FARS2: variants seen among roughly 807,000 people sequenced by gnomAD.
FARS2 encodes the protein phenylalanyl-tRNA synthetase 2, mitochondrial.
A neutral mutation model predicts 46.4 loss-of-function variants in FARS2; 40 were observed. The observed-to-expected ratio is 0.86, with a 90% CI of 0.67 to 1.12. FARS2 has a LOEUF of 1.12. Among genes scored for constraint, FARS2 ranks in the 50% most tolerant of loss-of-function variants. FARS2 has a pLI of 0.00. For synonymous variants in FARS2, 234 were observed against 214.9 expected (o/e 1.09, Z -0.78); for missense variants, 513 against 567.9 (o/e 0.90, Z 0.98).
chr6:5,325,170 C>T (rs1018089438), intron 1 of FARS2, among the ~76,000 whole-genome samples: 1 of 152,212 alleles, frequency 6.6e-6, no homozygotes, highest in African/African-American at 2.4e-5. Context: ...GGATCCCTCA[C>T]CCCCTTGTAA....
At chr6:5,714,326 C>T (rs571338219) in intron 6 of FARS2, among the ~76,000 whole-genome samples, 1 of 152,244 alleles carries the variant, frequency 6.6e-6, no homozygotes, top group South Asian at 2.1e-4. Flanking sequence ...CCAGGTTGAG[C>T]CAGTCTTCTA....
chr6:5,486,619 A>G (rs1012652128), intron 4 of FARS2, among the ~76,000 whole-genome samples: 1 of 152,216 alleles, frequency 6.6e-6, no homozygotes, highest in Non-Finnish European at 1.5e-5. Flanking sequence ...TTTCAATACT[A>G]GTATATTTTG....
intron 6 of FARS2, among the ~76,000 whole-genome samples, chr6:5,745,138 AG>A (rs1346042400): frequency 6.6e-6 from 1 of 152,288 alleles, no homozygotes; most frequent in Non-Finnish European, 1.5e-5. Flanking sequence ...GGGCGATAGC[AG>A]CAATGAAGCT....
At chr6:5,371,311 G>T (rs775386844) in intron 2 of FARS2, 14 of 229,812 alleles carry the variant, frequency 6.1e-5, no homozygotes, top group Non-Finnish European at 5.7e-5. Flanking sequence ...CTATGAATAG[G>T]ATTTTTAGAG....
intron 5 of FARS2, among the ~76,000 whole-genome samples, chr6:5,546,683 G>C (rs974221260): frequency 1.3e-5 from 2 of 150,632 alleles, no homozygotes; most frequent in Admixed American, 6.6e-5. Context: ...TTCTTTTCCT[G>C]TGTGCTTTAT....
chr6:5,307,517 C>T (rs554113793), intron 1 of FARS2, among the ~76,000 whole-genome samples: 7 of 152,110 alleles, frequency 4.6e-5, no homozygotes, highest in Non-Finnish European at 8.8e-5. Flanking sequence ...GCACAATTTC[C>T]GTCGTATCAT....
chr6:5,325,005 A>T (rs1262134716), intron 1 of FARS2, among the ~76,000 whole-genome samples: 1 of 152,180 alleles, frequency 6.6e-6, no homozygotes, highest in East Asian at 1.9e-4. Flanking sequence ...TATGTACCTC[A>T]TGGTGGCAGA....
At chr6:5,681,730 G>A (rs1405233533) in intron 6 of FARS2, among the ~76,000 whole-genome samples, 6 of 152,156 alleles carry the variant, frequency 3.9e-5, no homozygotes, top group South Asian at 2.1e-4. Flanking sequence ...AATAAAACAG[G>A]CTCTAGCAAG....
At chr6:5,419,243 T>A (rs1054941470) in intron 3 of FARS2, among the ~76,000 whole-genome samples, 3 of 152,224 alleles carry the variant, frequency 2.0e-5, no homozygotes, top group Non-Finnish European at 4.4e-5. Flanking sequence ...CCAGAATTTT[T>A]ATGAATTTTA....
intron 2 of FARS2, among the ~76,000 whole-genome samples, chr6:5,372,765 T>C (rs557298189): frequency 1.3e-5 from 2 of 152,246 alleles, no homozygotes; most frequent in South Asian, 2.1e-4. Context: ...ACCTAAGCCG[T>C]AGGATCACTG....
chr6:5,340,751 T>G (rs571526218), intron 1 of FARS2, among the ~76,000 whole-genome samples: 1 of 152,252 alleles, frequency 6.6e-6, no homozygotes, highest in East Asian at 1.9e-4. Context: ...CTAAGCCATC[T>G]TCTGCCCTTC....
intron 4 of FARS2, among the ~76,000 whole-genome samples, chr6:5,499,678 G>T (rs1205958661): frequency 6.6e-6 from 1 of 152,136 alleles, no homozygotes; most frequent in Non-Finnish European, 1.5e-5. Context: ...TGAACTTCAG[G>T]ATCATTGTCT....
At chr6:5,668,840 C>T (rs937351541) in intron 6 of FARS2, among the ~76,000 whole-genome samples, 4 of 152,006 alleles carry the variant, frequency 2.6e-5, no homozygotes, top group African/African-American at 9.6e-5. Context: ...ATTACAGGCA[C>T]CCACCATCAC....
intron 6 of FARS2, among the ~76,000 whole-genome samples, chr6:5,663,236 C>G (rs1484319385): frequency 6.6e-6 from 1 of 152,174 alleles, no homozygotes; most frequent in Non-Finnish European, 1.5e-5. Context: ...AACAAGCCCC[C>G]CTGGCTACTG....
intron 5 of FARS2, among the ~76,000 whole-genome samples, chr6:5,608,465 A>C (rs6597148): frequency 6.6e-6 from 1 of 152,126 alleles, no homozygotes; most frequent in Non-Finnish European, 1.5e-5. Context: ...CTTACTAAAT[A>C]GTTCAAAATA....
intron 6 of FARS2, among the ~76,000 whole-genome samples, chr6:5,617,832 C>T (rs974806008): frequency 6.6e-6 from 1 of 152,130 alleles, no homozygotes; most frequent in South Asian, 2.1e-4. Context: ...AGAGAAATAC[C>T]TTGTTTAGGC....
intron 6 of FARS2, among the ~76,000 whole-genome samples, chr6:5,667,375 T>A (rs12524821): frequency 0.65 from 98,773 of 151,766 alleles, 33,991 homozygotes; most frequent in African/African-American, 0.89. Context: ...AAAATTAGCC[T>A]GGTGTGGTGG....
chr6:5,267,820 C>G (rs1033609448), intron 1 of FARS2, among the ~76,000 whole-genome samples: 1 of 151,838 alleles, frequency 6.6e-6, no homozygotes, highest in Non-Finnish European at 1.5e-5. Flanking sequence ...CTCCCACCAA[C>G]AGTGTAAAAG....
intron 6 of FARS2, among the ~76,000 whole-genome samples, chr6:5,702,104 A>G (rs1758479003): frequency 6.6e-6 from 1 of 152,144 alleles, no homozygotes; most frequent in Non-Finnish European, 1.5e-5. Flanking sequence ...CCCTTTCCCA[A>G]CCAGATGGAA....
Sources: gnomAD v4.1 joint callset for allele counts (sites outside exome capture counted in the v4.1 genomes callset) on GRCh38, gnomAD v4.1.1 for gene constraint, MANE v1.5 for transcripts, NCBI Gene and HGNC (gene_info 2026-07-23, HGNC 2026-07-21) for gene names.